Variants in INTS9 observed in about 807,000 individuals in gnomAD.
The protein encoded by INTS9 is protein related to CPSF subunits of 74 kDa.
In INTS9, 55 loss-of-function variants were observed where a neutral mutation model predicts 79.7. The observed-to-expected ratio is 0.69, with a 90% confidence interval of 0.56 to 0.86. The LOEUF is 0.86. INTS9 is among the 40% of genes least tolerant of loss of function. The probability of loss-of-function intolerance (pLI) is 0.00; values close to 1 mark genes in which losing one functional copy is unlikely to be tolerated. For synonymous variants in INTS9, 319 were observed against 325.2 expected (o/e 0.98, Z 0.20); for missense variants, 721 against 831.5 (o/e 0.87, Z 1.64).
rs376545374 is a variant in INTS9, at chr8:28,830,999, T to C, written c.488+4293A>G. On this transcript the variant is annotated intron_variant, in intron 6 of 16. Coordinates refer to ENST00000521022, the MANE Select transcript of INTS9 (RefSeq NM_018250.4). ...GGAGATTTCCATTCTATTATAAAGA[T>C]ACATGCAAGTGTATGTTCATTGCAG... Among the ~76,000 whole-genome samples the C allele has an allele frequency of 1.7e-4, 26 of 152,282 alleles. No homozygotes were observed. The South Asian group carries it at 5.4e-3, about 32-fold the overall frequency.
chr8:28,860,510 T>C (rs997356188), intron 1 of INTS9, among the ~76,000 whole-genome samples: 1 of 151,024 alleles, frequency 6.6e-6, no homozygotes, highest in African/African-American at 2.4e-5. Context: ...GGAGTCTCAC[T>C]CTGTTGCTTA....
At chr8:28,869,128 A>T (rs1458214472) in intron 1 of INTS9, among the ~76,000 whole-genome samples, 2 of 152,180 alleles carry the variant, frequency 1.3e-5, no homozygotes, top group Non-Finnish European at 2.9e-5. Context: ...ACAATGTAAA[A>T]AACTATACAA....
chr8:28,830,078 CAG>C (rs1335225396), intron 6 of INTS9, among the ~76,000 whole-genome samples: 46 of 151,266 alleles, frequency 3.0e-4, no homozygotes, highest in African/African-American at 1.1e-3. Flanking sequence ...TGAAAACATA[CAG>C]AGAAGACAGA....
Position 28,786,897 on chromosome 8 carries a change from G to T in INTS9, c.1098+932C>A, listed in dbSNP as rs375441541. On this transcript the variant is annotated intron_variant, in intron 11 of 16. Transcript: ENST00000521022. ...CACGCCTGGCTAATTTTTTGTATTT[G>T]TAGTAGAGACGGGGTTTCACTGTGT... is the stretch of plus-strand genomic sequence containing the variant. Among the ~76,000 whole-genome samples, 42 of 151,948 alleles carry T rather than the reference G, an allele frequency of 2.8e-4. No individual in the cohort carries two copies. The East Asian group carries it at 4.3e-3, about 16-fold the overall frequency.
At chr8:28,833,276 T>C (rs1041248627) in intron 6 of INTS9, among the ~76,000 whole-genome samples, 1 of 151,968 alleles carries the variant, frequency 6.6e-6, no homozygotes, top group African/African-American at 2.4e-5. Flanking sequence ...CAGTGCCAAC[T>C]GGAAAAAAGT....
intron 2 of INTS9, among the ~76,000 whole-genome samples, chr8:28,857,447 G>C (rs1343891081): frequency 6.6e-6 from 1 of 152,152 alleles, no homozygotes; most frequent in African/African-American, 2.4e-5. Context: ...GGTGTGGGCA[G>C]AGTGAAGACT....
rs150965061 is a variant in INTS9, at chr8:28,807,744, C to A, written c.744+4583G>T. On this transcript the variant is annotated intron_variant, in intron 8 of 16. Coordinates refer to ENST00000521022, the MANE Select transcript of INTS9 (RefSeq NM_018250.4). The stretch of plus-strand genomic sequence containing the variant: ...GACACTCCTTAACTTGACAAATAAA[C>A]ATGGTGCAGTAAGCGTGATGTTTAA... Among the ~76,000 whole-genome samples, 1,331 of 152,226 alleles carry A rather than the reference C, an allele frequency of 8.7e-3. 13 individuals are homozygous for A. The highest frequency in any genetic ancestry group is 0.031 in the African/African-American group (1,273 of 41,544).
Position 28,859,478 on chromosome 8 carries a change from A to G in INTS9, c.95T>C (p.Met32Thr). ...AGGAAGGAAATTGAGGGTAGAAGTC[A>G]TGTCCAGTCCGCAGTCCAACATAAT... ...TTIMLDCGLD[M>T]TSTLNFLPLP... The change falls in exon 2 of 17, where the codon ATG (methionine) becomes ACG (threonine). Residue 32 changes from methionine to threonine, a missense_variant. Physicochemically the swap from Met to Thr is moderately conservative, Grantham distance 81. Coordinates refer to ENST00000521022, the MANE Select transcript of INTS9 (RefSeq NM_018250.4). 1.2e-6 allele frequency: 2 copies of G among 1,614,192 alleles called. No individual in the cohort carries two copies. The highest frequency in any genetic ancestry group is 8.5e-7 in the Non-Finnish European group (1 of 1,180,010).
chr8:28,859,196 G>A (rs183705388), intron 2 of INTS9, among the ~76,000 whole-genome samples: 2 of 152,260 alleles, frequency 1.3e-5, no homozygotes, highest in East Asian at 3.9e-4. Flanking sequence ...CAGTTGTACT[G>A]AGCAGTTGCA....
At chr8:28,775,298 G>GA (rs1802801325) in intron 14 of INTS9, among the ~76,000 whole-genome samples, 1 of 152,126 alleles carries the variant, frequency 6.6e-6, no homozygotes, top group South Asian at 2.1e-4. Context: ...AGAAGGCCCT[G>GA]AAAATCCCCC....
chr8:28,777,301 GCA>G (rs1323577437), intron 13 of INTS9, among the ~76,000 whole-genome samples: 8 of 152,170 alleles, frequency 5.3e-5, no homozygotes, highest in Non-Finnish European at 8.8e-5. Context: ...GGCTGAGCCA[GCA>G]CAGTGGTTCC....
At chr8:28,769,781 A>T (rs1585315846) in intron 16 of INTS9, 108 bp downstream of exon 16, 1 of 1,396,742 alleles carries the variant, frequency 7.2e-7, no homozygotes, top group Non-Finnish European at 9.8e-7. Flanking sequence ...GACAGTGGGG[A>T]CTAAGTGACA....
chr8:28,809,822 G>A (rs958071235), intron 8 of INTS9, among the ~76,000 whole-genome samples: 2 of 152,108 alleles, frequency 1.3e-5, no homozygotes, highest in African/African-American at 4.8e-5. Flanking sequence ...GCCAGATGCA[G>A]GAAAAAATAG....
At position 28,883,380 on chromosome 8, in the gene INTS9, C is replaced by T. The variant is rs544484920; in HGVS notation, c.9+6494G>A. ...TACTCCAGGGACACTTTACTAAACA[C>T]GGATGAAGTCTATAGTAGACTGAGA... On this transcript the variant is annotated intron_variant, in intron 1 of 16. Transcript: ENST00000521022. 1.2e-4 allele frequency among the ~76,000 whole-genome samples: 19 copies of T among 152,274 alleles called. 1 individual carries two copies. The South Asian group carries it at 1.7e-3, about 13-fold the overall frequency.
In INTS9 at chr8:28,845,853, TC is replaced by T. The variant is rs376518131; in HGVS notation, c.261+893del. On this transcript the variant is annotated intron_variant, in intron 4 of 16. Coordinates refer to ENST00000521022, the MANE Select transcript of INTS9 (RefSeq NM_018250.4). ...TGTCTGTGTTTCTTTTTCTATTTGC[TC>T]TGGTACCCTCAAAGACACATACACA... is the stretch of plus-strand genomic sequence containing the variant. Among the ~76,000 whole-genome samples the T allele has an allele frequency of 4.6e-3, 699 of 152,298 alleles. 4 individuals carry two copies. Among genetic ancestry groups the T allele is most frequent in the African/African-American group, 0.016 (649 of 41,556 alleles).
At chr8:28,768,444 A>C in intron 16 of INTS9, 122 bp from the exon 17 acceptor site, 1 of 901,034 alleles carries the variant, frequency 1.1e-6, no homozygotes, top group South Asian at 1.4e-5. Context: ...ACAATTCTTC[A>C]GACTAGTCAT....
At chr8:28,888,414 TGCGCG>T (rs1437495678) in intron 1 of INTS9, among the ~76,000 whole-genome samples, 8 of 148,472 alleles carry the variant, frequency 5.4e-5, no homozygotes, top group African/African-American at 2.0e-4. Context: ...GGTGCAGTGG[TGCGCG>T]CCTGTATTCC....
chr8:28,871,602 C>A (rs1391749754), intron 1 of INTS9, among the ~76,000 whole-genome samples: 1 of 151,990 alleles, frequency 6.6e-6, no homozygotes, highest in East Asian at 1.9e-4. Flanking sequence ...GATGAAGCCT[C>A]ACTATGTTGC....
chr8:28,780,209 T>G (rs1803168090), intron 12 of INTS9: 1 of 180,796 alleles, frequency 5.5e-6, no homozygotes, highest in Non-Finnish European at 7.4e-6. Context: ...ACACTAACAC[T>G]AATGATGACT....
Sources: gnomAD v4.1 joint callset for allele counts (sites outside exome capture counted in the v4.1 genomes callset) on GRCh38, gnomAD v4.1.1 for gene constraint, MANE v1.5 for transcripts, NCBI Gene and HGNC (gene_info 2026-07-23, HGNC 2026-07-21) for gene names.